Variants in NLGN1 observed in about 807,000 individuals in gnomAD.
The protein encoded by NLGN1 is neuroligin 1.
Under a neutral mutation model 65.5 loss-of-function variants are expected in NLGN1, and 12 were observed. That is an observed-to-expected ratio of 0.18 (90% CI 0.12 to 0.30). NLGN1 has a LOEUF of 0.30. Ranked by LOEUF, NLGN1 falls within the 10% of genes least tolerant of loss-of-function variation. The probability of loss-of-function intolerance (pLI) is 1.00; values close to 1 mark genes in which losing one functional copy is unlikely to be tolerated. For synonymous variants in NLGN1, 350 were observed against 359.5 expected, an observed-to-expected ratio of 0.97 and a Z score of 0.30; for missense variants, 750 against 1,007.1, an observed-to-expected ratio of 0.74 and a Z score of 3.46.
chr3:174,208,604 A>T (rs1179241630), intron 4 of NLGN1, among the ~76,000 whole-genome samples: 1 of 151,964 alleles, frequency 6.6e-6, no homozygotes, highest in African/African-American at 2.4e-5. Flanking sequence ...TAAATCTGAC[A>T]GCCTACTTAT....
chr3:173,766,892 T>C (rs1188113065), intron 3 of NLGN1, among the ~76,000 whole-genome samples: 1 of 152,158 alleles, frequency 6.6e-6, no homozygotes, highest in African/African-American at 2.4e-5. Context: ...CATGAGCTAA[T>C]ATGCAAAATG....
chr3:173,657,127 C>T (rs1229186395), intron 3 of NLGN1, among the ~76,000 whole-genome samples: 1 of 151,952 alleles, frequency 6.6e-6, no homozygotes, highest in East Asian at 1.9e-4. Flanking sequence ...AGGCATAGAA[C>T]TTTGGGATCT....
At chr3:173,823,251 T>C (rs372081147) in intron 4 of NLGN1, among the ~76,000 whole-genome samples, 2 of 152,086 alleles carry the variant, frequency 1.3e-5, no homozygotes, top group Non-Finnish European at 2.9e-5. Context: ...CTACTACTTT[T>C]GGATCGGTGC....
intron 2 of NLGN1, among the ~76,000 whole-genome samples, chr3:173,456,484 T>C (rs969723902): frequency 6.6e-6 from 1 of 152,172 alleles, no homozygotes; most frequent in Admixed American, 6.6e-5. Context: ...AGTATTTACA[T>C]ATTAGTGTTA....
intron 4 of NLGN1, among the ~76,000 whole-genome samples, chr3:173,909,653 CATTT>C (rs547453207): frequency 5.3e-5 from 8 of 152,062 alleles, no homozygotes; most frequent in African/African-American, 1.9e-4. Flanking sequence ...CTCCCCACAG[CATTT>C]ATTTATTTAT....
chr3:174,287,995 G>T (rs1752319638), downstream of NLGN1, among the ~76,000 whole-genome samples: 1 of 151,266 alleles, frequency 6.6e-6, no homozygotes, highest in East Asian at 2.0e-4. Context: ...CAACATAATG[G>T]GTGTTAAACA....
At chr3:173,654,874 T>G (rs2149662929) in intron 3 of NLGN1, among the ~76,000 whole-genome samples, 1 of 152,252 alleles carries the variant, frequency 6.6e-6, no homozygotes, top group Admixed American at 6.5e-5. Flanking sequence ...ATGATGTATT[T>G]TTCTCTGCTT....
intron 3 of NLGN1, among the ~76,000 whole-genome samples, chr3:173,761,529 A>G (rs1035543754): frequency 1.3e-5 from 2 of 152,042 alleles, no homozygotes; most frequent in African/African-American, 4.8e-5. Flanking sequence ...TTAGCATGAT[A>G]TATAGAGCAT....
At chr3:174,044,866 T>G (rs949989458) in intron 4 of NLGN1, among the ~76,000 whole-genome samples, 1 of 152,118 alleles carries the variant, frequency 6.6e-6, no homozygotes, top group Non-Finnish European at 1.5e-5. Context: ...TCTCATGAGA[T>G]CCAATGATCT....
rs575765102 is a variant in NLGN1, at chr3:173,584,462, A to AT, written c.-320-19811dup. 349 of 112,082 alleles carry AT rather than the reference A, an allele frequency of 3.1e-3. 1 individual carries two copies. Among genetic ancestry groups the AT allele is most frequent in the African/African-American group, 0.011 (328 of 29,646 alleles). 6.9% of individuals were successfully genotyped at this position (112,082 alleles called of 1,614,324 possible). ...GGAGTGCACCCAGAATCCAAAAAAG[A>AT]TTTTTTAAAAAAGAAAGAAAGAAAG... On this transcript the variant is annotated intron_variant, in intron 2 of 6. Transcript: ENST00000457714.
chr3:173,445,092 C>A (rs1011862814), intron 2 of NLGN1, among the ~76,000 whole-genome samples: 2 of 151,242 alleles, frequency 1.3e-5, no homozygotes, highest in Non-Finnish European at 2.9e-5. Flanking sequence ...AACGGTGAAA[C>A]CCCGTCTCTA....
chr3:173,571,466 T>C (rs1434985195), intron 2 of NLGN1, among the ~76,000 whole-genome samples: 2 of 152,228 alleles, frequency 1.3e-5, no homozygotes, highest in Non-Finnish European at 2.9e-5. Context: ...CTTTTTATGT[T>C]GCATTTTTCT....
chr3:174,014,364 G>C (rs1479182894), intron 4 of NLGN1, among the ~76,000 whole-genome samples: 2 of 152,054 alleles, frequency 1.3e-5, no homozygotes, highest in Non-Finnish European at 2.9e-5. Flanking sequence ...TGCCTTTTCA[G>C]ATTTGAACAT....
chr3:173,709,140 A>G (rs1187729673), intron 3 of NLGN1, among the ~76,000 whole-genome samples: 2 of 152,168 alleles, frequency 1.3e-5, no homozygotes, highest in African/African-American at 4.8e-5. Context: ...CAGCAATCAC[A>G]CTAATTTAGT....
chr3:173,845,801 T>C lies in NLGN1; in HGVS notation c.646+37969T>C, dbSNP rs201549228. ...GAAGAAATGAGCTGGATTCCCTTTA[T>C]CTTGACTCTTAGATTTTTTTCAATA... On this transcript the variant is annotated intron_variant, in intron 4 of 6. Transcript: ENST00000457714. Among the ~76,000 whole-genome samples, 9 of 152,316 alleles carry C rather than the reference T, an allele frequency of 5.9e-5. No individual in the cohort carries two copies. The East Asian group carries it at 1.7e-3, about 29-fold the overall frequency.
At chr3:174,289,911 G>A (rs9839045), downstream of NLGN1, among the ~76,000 whole-genome samples, 330 of 141,364 alleles carry the variant, frequency 2.3e-3, 1 homozygote, top group African/African-American at 8.3e-3. Flanking sequence ...ATATATATAT[G>A]TATGTATATA....
chr3:174,112,162 T>C (rs1036336874), intron 4 of NLGN1, among the ~76,000 whole-genome samples: 1 of 151,934 alleles, frequency 6.6e-6, no homozygotes, highest in African/African-American at 2.4e-5. Flanking sequence ...TTCTAGTGGC[T>C]TAGAAAGATG....
intron 4 of NLGN1, among the ~76,000 whole-genome samples, chr3:174,272,643 T>C (rs1749617678): frequency 6.8e-6 from 1 of 146,004 alleles, no homozygotes; most frequent in East Asian, 2.0e-4. Context: ...TTTCAGATGA[T>C]GATATGGATG....
exon 4 of NLGN1, chr3:173,807,768 A>T: frequency 6.2e-7 from 1 of 1,613,770 alleles, no homozygotes; most frequent in Non-Finnish European, 8.5e-7. Context: ...TATATGATGG[A>T]AGTGTCTTGG....
Sources: gnomAD v4.1 joint callset for allele counts (sites outside exome capture counted in the v4.1 genomes callset) on GRCh38, gnomAD v4.1.1 for gene constraint, MANE v1.5 for transcripts, NCBI Gene and HGNC (gene_info 2026-07-23, HGNC 2026-07-21) for gene names.